ST18: variants seen among roughly 807,000 people sequenced by gnomAD.
ST18 encodes the protein ST18 C2H2C-type zinc finger transcription factor.
Under a neutral mutation model 110.0 loss-of-function variants are expected in ST18, and 50 were observed. The observed-to-expected ratio is 0.45, with a 90% CI of 0.36 to 0.58. The LOEUF is 0.58. ST18 is among the 20% of genes least tolerant of loss of function. ST18 has a pLI of 0.00. For synonymous variants in ST18, 461 were observed against 452.4 expected, an observed-to-expected ratio of 1.02 and a Z score of -0.24; for missense variants, 1,306 against 1,280.1, an observed-to-expected ratio of 1.02 and a Z score of -0.31.
intron 8 of ST18, among the ~76,000 whole-genome samples, chr8:52,200,754 G>T (rs553930071): frequency 2.0e-5 from 3 of 152,302 alleles, no homozygotes; most frequent in Admixed American, 2.0e-4. Flanking sequence ...GAGCCATCAG[G>T]ATATTTGGAC....
Position 52,234,728 on chromosome 8 carries a change from GGTGT to G in ST18, c.-464-4655_-464-4652del, listed in dbSNP as rs3054614. 8.9e-3 allele frequency among the ~76,000 whole-genome samples: 1,290 copies of G among 145,616 alleles called. 8 individuals carry two copies. Among genetic ancestry groups the G allele is most frequent in the African/African-American group, 0.019 (744 of 39,296 alleles). On this transcript the variant is annotated intron_variant, in intron 2 of 25. Coordinates refer to ENST00000689386, the MANE Select transcript of ST18 (RefSeq NM_001352837.2). ...ATCAACAAGTGGATAAAGAAACTAT[GGTGT>G]GTGTGTGTGTGTGTGTGTGTGTGTG...
intron 9 of ST18, among the ~76,000 whole-genome samples, chr8:52,178,363 C>G (rs2067731372): frequency 6.6e-6 from 1 of 151,892 alleles, no homozygotes; most frequent in South Asian, 2.1e-4. Context: ...CATGGTGGCT[C>G]ACACCTGTAA....
intron 17 of ST18, among the ~76,000 whole-genome samples, chr8:52,142,376 C>T (rs1376562258): frequency 6.6e-6 from 1 of 152,236 alleles, no homozygotes; most frequent in East Asian, 1.9e-4. Context: ...CGCGTTACTC[C>T]TTGCTGTAAA....
chr8:52,149,881 T>C lies in ST18; in HGVS notation c.1903A>G (p.Thr635Ala). The change falls in exon 16 of 26, where the codon ACT (threonine) becomes GCT (alanine). Residue 635 changes from threonine to alanine, a missense_variant. Transcript: ENST00000689386. ...GAAGAGGAAGGAGTTGGAATAGAAG[T>C]GTTAGAGGAAGTTAGGGGTGCAGAC... is the stretch of plus-strand genomic sequence containing the variant. ...DKSAPLTSSNTSIPTPSSSPF... is the reference protein window; with the variant it reads ...DKSAPLTSSNASIPTPSSSPF... 6.2e-7 allele frequency: 1 copy of C among 1,614,088 alleles called. No homozygotes were observed. Among genetic ancestry groups the C allele is most frequent in the Non-Finnish European group, 8.5e-7 (1 of 1,180,008 alleles).
chr8:52,280,282 T>C (rs960987765), intron 2 of ST18, among the ~76,000 whole-genome samples: 12 of 152,116 alleles, frequency 7.9e-5, no homozygotes, highest in African/African-American at 2.4e-4. Flanking sequence ...AATTAAACTA[T>C]ATAAAAATCA....
At chr8:52,218,649 C>A (rs1349614060) in intron 5 of ST18, among the ~76,000 whole-genome samples, 1 of 150,650 alleles carries the variant, frequency 6.6e-6, no homozygotes, top group Non-Finnish European at 1.5e-5. Flanking sequence ...ATCCACCCGC[C>A]TTGGCCTCCC....
intron 6 of ST18, 144 bp from the exon 7 acceptor site, chr8:52,214,401 A>C: frequency 1.4e-6 from 1 of 711,544 alleles, no homozygotes. Flanking sequence ...ATAGTACATA[A>C]CTGTGACTCC....
chr8:52,215,676 C>T (rs1185661732), intron 6 of ST18, among the ~76,000 whole-genome samples: 2 of 152,196 alleles, frequency 1.3e-5, no homozygotes, highest in Admixed American at 6.5e-5. Flanking sequence ...TTTAAAACTA[C>T]ACAATAAGAG....
At chr8:52,288,007 T>A (rs371168648) in intron 2 of ST18, among the ~76,000 whole-genome samples, 7 of 152,310 alleles carry the variant, frequency 4.6e-5, no homozygotes, top group African/African-American at 1.7e-4. Flanking sequence ...AACCATAAAC[T>A]GAGCATGTTA....
intron 2 of ST18, among the ~76,000 whole-genome samples, chr8:52,261,108 G>A (rs960753234): frequency 2.6e-5 from 4 of 152,182 alleles, no homozygotes; most frequent in African/African-American, 9.7e-5. Flanking sequence ...ATGATATGCC[G>A]TGCTGATGCT....
At chr8:52,263,610 GT>G (rs58618036) in intron 2 of ST18, among the ~76,000 whole-genome samples, 151 of 128,124 alleles carry the variant, frequency 1.2e-3, no homozygotes, top group East Asian at 4.5e-3. Context: ...TTTTTGTTTT[GT>G]TTTTTTTTTT....
intron 8 of ST18, among the ~76,000 whole-genome samples, chr8:52,208,099 G>T (rs2080755641): frequency 6.6e-6 from 1 of 152,180 alleles, no homozygotes. Flanking sequence ...GATGATAGTA[G>T]CTGACATCGA....
intron 2 of ST18, among the ~76,000 whole-genome samples, chr8:52,297,621 T>C (rs1216257470): frequency 6.6e-6 from 1 of 152,064 alleles, no homozygotes; most frequent in Non-Finnish European, 1.5e-5. Flanking sequence ...ATTTGAAAAG[T>C]TAAAGGCACC....
In ST18 at chr8:52,161,455, G is replaced by A. The variant is rs138273457; in HGVS notation, c.1514C>T (p.Ala505Val). 4.1e-5 allele frequency: 66 copies of A among 1,614,044 alleles called. No homozygotes were observed. The highest frequency in any genetic ancestry group is 5.3e-5 in the Non-Finnish European group (63 of 1,180,038). Residue 505 changes from alanine (A) to valine (V), a missense_variant, in exon 14 of 26, where the codon GCC becomes GTC. Coordinates refer to ENST00000689386, the MANE Select transcript of ST18 (RefSeq NM_001352837.2). ...ACCGAAAACTTGGGCATCAAAACTG[G>A]CATAATCAAATGGTACTTTTCCAAA... ...EKFGKVPFDYASFDAQVFGKR... is the reference protein window; with the variant it reads ...EKFGKVPFDYVSFDAQVFGKR...
At chr8:52,270,969 C>T (rs182520938) in intron 2 of ST18, among the ~76,000 whole-genome samples, 1 of 151,494 alleles carries the variant, frequency 6.6e-6, no homozygotes, top group Non-Finnish European at 1.5e-5. Flanking sequence ...CATCTCGGCT[C>T]ACTGCAAGCT....
chr8:52,180,384 A>G lies in ST18; in HGVS notation c.87-72T>C, dbSNP rs2068916623. ...TGCTGTTTGGCATTTAACTTTCATGAAGTCTAACCTAAAGCCTTTGGAAAC... is the reference window on the plus strand; with the variant it reads ...TGCTGTTTGGCATTTAACTTTCATGGAGTCTAACCTAAAGCCTTTGGAAAC... On this transcript the variant is annotated intron_variant, in intron 8 of 25. Coordinates refer to ENST00000689386, the MANE Select transcript of ST18 (RefSeq NM_001352837.2). 7 of 1,547,618 alleles carry G rather than the reference A, an allele frequency of 4.5e-6. No individual in the cohort carries two copies. In the Admixed American group the frequency reaches 1.0e-4, roughly 23 times the overall value.
intron 8 of ST18, among the ~76,000 whole-genome samples, chr8:52,197,046 T>C (rs1204114762): frequency 1.3e-5 from 2 of 152,250 alleles, no homozygotes; most frequent in African/African-American, 4.8e-5. Context: ...TAATGGAGGT[T>C]GTTGAATAGA....
chr8:52,165,343 C>G (rs1245757913), intron 11 of ST18, 118 bp from the exon 12 acceptor site: 2 of 920,090 alleles, frequency 2.2e-6, no homozygotes, highest in Admixed American at 3.7e-5. Flanking sequence ...CCACCATGCT[C>G]TCTCTCTCTA....
At chr8:52,271,900 T>C (rs1328860377) in intron 2 of ST18, among the ~76,000 whole-genome samples, 2 of 152,254 alleles carry the variant, frequency 1.3e-5, no homozygotes, top group Non-Finnish European at 2.9e-5. Flanking sequence ...TAGGTTTATA[T>C]ATTTCGCCAT....
Sources: allele counts gnomAD v4.1 joint callset (sites outside exome capture counted in the v4.1 genomes callset), GRCh38; gene constraint gnomAD v4.1.1; transcripts MANE v1.5; gene names NCBI Gene and HGNC (gene_info 2026-07-23, HGNC 2026-07-21).